Variants in ITGA3 observed in about 807,000 individuals in gnomAD.
The protein encoded by ITGA3 is integrin subunit alpha 3.
Under a neutral mutation model 131.1 loss-of-function variants are expected in ITGA3, and 70 were observed. The observed-to-expected ratio is 0.53, with a 90% CI of 0.44 to 0.65. The LOEUF (loss-of-function observed/expected upper bound fraction) is 0.65. ITGA3 is among the 30% of genes least tolerant of loss of function. ITGA3 has a pLI of 0.00. For missense variants in ITGA3, 1,098 were observed against 1,388.6 expected (o/e 0.79, Z 3.33); for synonymous variants, 537 against 571.6 (o/e 0.94, Z 0.86).
chr17:50,081,877 G>C (rs1273162704), intron 23 of ITGA3, among the ~76,000 whole-genome samples: 2 of 152,206 alleles, frequency 1.3e-5, no homozygotes, highest in African/African-American at 4.8e-5. Context: ...CGGGCAATAT[G>C]TATGTATAGA....
chr17:50,081,718 GC>G (rs1287740354), intron 23 of ITGA3, among the ~76,000 whole-genome samples: 1 of 152,170 alleles, frequency 6.6e-6, no homozygotes, highest in Non-Finnish European at 1.5e-5. Flanking sequence ...GGCTGGGACT[GC>G]CTCTCTATTT....
Position 50,072,115 on chromosome 17 carries a change from C to G in ITGA3, c.1089C>G (p.Gly363=). ...FPAHPSLLLH[G]PSGSAFGLSV... is the part of the protein sequence containing the mutation. ...CTCACCCCTCACTCCTTCTTCATGG[C>G]CCCAGTGGCTCTGCCTTTGGTTTAT... The change falls in exon 7 of 26, where the codon GGC becomes GGG. Residue 363 remains glycine (G), a synonymous_variant. Coordinates refer to ENST00000320031, the MANE Select transcript of ITGA3 (RefSeq NM_002204.4). 6.2e-7 allele frequency: 1 copy of G among 1,614,100 alleles called. No individual in the cohort carries two copies. Among genetic ancestry groups the G allele is most frequent in the Non-Finnish European group, 8.5e-7 (1 of 1,180,016 alleles).
chr17:50,067,892 A>T (rs1247429976), intron 3 of ITGA3, among the ~76,000 whole-genome samples, 164 bp from the exon 4 acceptor site: 1 of 152,248 alleles, frequency 6.6e-6, no homozygotes, highest in African/African-American at 2.4e-5. Flanking sequence ...AGATTTCTGA[A>T]TTCTGGAAAG....
intron 23 of ITGA3, among the ~76,000 whole-genome samples, chr17:50,082,624 A>G (rs111936943): frequency 3.5e-4 from 53 of 152,274 alleles, no homozygotes; most frequent in African/African-American, 1.1e-3. Flanking sequence ...AAAAGTTATT[A>G]GACCCAATAA....
In ITGA3 at chr17:50,075,545, C is replaced by A; in HGVS notation, c.1537+19C>A. 1 of 1,614,192 alleles carries A rather than the reference C, an allele frequency of 6.2e-7. No individual in the cohort carries two copies. Among genetic ancestry groups the A allele is most frequent in the South Asian group, 1.1e-5 (1 of 91,084 alleles). On this transcript the variant is annotated intron_variant, in intron 11 of 25. Transcript: ENST00000320031. ...AACATCAGTGAGTGCTGGGGTGCAG[C>A]GTAAAAGGGGTACGCTCCCCTGTCC...
rs1907849709 is a variant in ITGA3 at position 50,056,807 on chromosome 17, G to A, written c.206+162G>A. On this transcript the variant is annotated intron_variant, in intron 1 of 25. Transcript: ENST00000320031. The surrounding 1 kb of genome is among the most constrained non-coding windows in gnomAD (Gnocchi z 5.6). ...GTTGGCGGGAAGTGGAGGATTGGGT[G>A]TGGGGTCGGGCAGTAATCATTGGCA... Among the ~76,000 whole-genome samples the A allele has an allele frequency of 6.6e-6, 1 of 152,206 alleles. No homozygotes were observed. The highest frequency in any genetic ancestry group is 2.1e-4 in the South Asian group (1 of 4,832).
chr17:50,081,844 A>G (rs764222813), intron 23 of ITGA3, among the ~76,000 whole-genome samples: 2 of 152,142 alleles, frequency 1.3e-5, no homozygotes, highest in Non-Finnish European at 2.9e-5. Flanking sequence ...CACATCCACT[A>G]TGGACCTGTG....
At position 50,089,591 on chromosome 17, in the gene ITGA3, A is replaced by C; in HGVS notation, c.*513A>C. 1 of 281,270 alleles carries C rather than the reference A, an allele frequency of 3.6e-6. No homozygotes were observed. The highest frequency in any genetic ancestry group is 6.8e-6 in the Non-Finnish European group (1 of 146,160). 17.4% of individuals were successfully genotyped at this position (281,270 alleles called of 1,614,324 possible). ...TCTCAGCCTCTGCCAGCGCCAAAAC[A>C]AGCCAAAGAGCCTCCCACCAGAGCC... On this transcript the variant is annotated 3_prime_UTR_variant, in exon 26 of 26. Transcript: ENST00000320031.
chr17:50,079,112 A>AC lies in ITGA3; in HGVS notation c.2440dup (p.Leu814ProfsTer49). ...GGGGGAGGGGCTGGTGGGCCTGGGG[A>AC]CCCTGGTCCTAGGTCTGGAGTGGCC... On this transcript the variant is annotated frameshift_variant, in exon 20 of 26. Coordinates refer to ENST00000320031, the MANE Select transcript of ITGA3 (RefSeq NM_002204.4). LOFTEE classifies it high-confidence loss of function. The AC allele has an allele frequency of 6.2e-7, 1 of 1,613,412 alleles. No homozygotes were observed. The highest frequency in any genetic ancestry group is 8.5e-7 in the Non-Finnish European group (1 of 1,179,868).
chr17:50,068,570 G>A (rs1243440967), intron 4 of ITGA3, among the ~76,000 whole-genome samples: 1 of 151,866 alleles, frequency 6.6e-6, no homozygotes, highest in African/African-American at 2.4e-5. Context: ...GCACATTCAT[G>A]GCTCACTGCA....
At chr17:50,077,940 G>A in intron 16 of ITGA3, 106 bp from the exon 17 acceptor site, 4 of 892,086 alleles carry the variant, frequency 4.5e-6, no homozygotes, top group South Asian at 3.2e-5. Flanking sequence ...AGGAGGAGGA[G>A]AAGGCCAGAA....
At chr17:50,085,157 G>A (rs1167012987) in intron 23 of ITGA3, among the ~76,000 whole-genome samples, 1 of 151,000 alleles carries the variant, frequency 6.6e-6, no homozygotes, top group African/African-American at 2.4e-5. Context: ...AGCCAAGATC[G>A]CACCACTGCA....
intron 23 of ITGA3, chr17:50,087,368 G>A (rs1244043230): frequency 5.5e-6 from 1 of 180,628 alleles, no homozygotes; most frequent in African/African-American, 2.3e-5. Flanking sequence ...TATTCTATGA[G>A]GTAGTCATTA....
In ITGA3 at chr17:50,076,520, G is replaced by A. The variant is rs1426048677; in HGVS notation, c.1824+45G>A. ...GGACTGGAAGACCAGGGGCCAGAAG[G>A]GCGGTGGGGCGAGAGGGCACTGGGG... On this transcript the variant is annotated intron_variant, in intron 13 of 25. Transcript: ENST00000320031. 21 of 1,607,196 alleles carry A rather than the reference G, an allele frequency of 1.3e-5. No individual in the cohort carries two copies. In the Admixed American group the frequency reaches 3.5e-4, roughly 27 times the overall value.
intron 1 of ITGA3, chr17:50,063,736 T>G: frequency 1.0e-5 from 3 of 299,666 alleles, no homozygotes; most frequent in Non-Finnish European, 1.3e-5. Flanking sequence ...GCCCTGCACA[T>G]GTGTGCCTTT....
At chr17:50,087,075 A>G (rs1249830184) in intron 23 of ITGA3, 1 of 152,122 alleles carries the variant, frequency 6.6e-6, no homozygotes, top group African/African-American at 2.4e-5. Context: ...AAAATAAAAT[A>G]AAATAAAAAG....
At chr17:50,085,042 G>A (rs538356599) in intron 23 of ITGA3, among the ~76,000 whole-genome samples, 2 of 149,978 alleles carry the variant, frequency 1.3e-5, no homozygotes, top group Non-Finnish European at 3.0e-5. Flanking sequence ...GTGAAACCCC[G>A]GCTCTACTAA....
At position 50,056,517 on chromosome 17, in the gene ITGA3, C is replaced by T. The variant is rs1907826491; in HGVS notation, c.78C>T (p.Gly26=). 6.4e-7 allele frequency: 1 copy of T among 1,550,980 alleles called. No homozygotes were observed. The highest frequency in any genetic ancestry group is 1.2e-5 in the South Asian group (1 of 84,118). The change falls in exon 1 of 26, where the codon GGC becomes GGT. Residue 26 remains glycine, a synonymous_variant. Transcript: ENST00000320031. This position sits in a 1 kb window ranked among gnomAD's most constrained non-coding sequence, Gnocchi z 5.6. ...CGCTCGCCTTGATGGTGGCGGCCGG[C>T]GGCTGCGTCGTCTCCGCCTTCAACC... ...LCALALMVAA[G]GCVVSAFNLD...
Position 50,074,246 on chromosome 17 carries a change from G to A in ITGA3, c.1348G>A (p.Val450Met). ...TGAGAACTTCTACCCAGACCTTCTA[G>A]TGGGAAGCCTGTCAGACCACATTGT... is the stretch of plus-strand genomic sequence containing the variant. ...VDENFYPDLL[V>M]GSLSDHIVLL... Residue 450 changes from valine (V) to methionine (M), a missense_variant, in exon 9 of 26, where the codon GTG (valine) becomes ATG (methionine). By Grantham distance (21) the Val-to-Met change is conservative. Transcript: ENST00000320031. 6.2e-7 allele frequency: 1 copy of A among 1,614,236 alleles called. No homozygotes were observed. The highest frequency in any genetic ancestry group is 8.5e-7 in the Non-Finnish European group (1 of 1,180,028).
Sources: allele counts gnomAD v4.1 joint callset (sites outside exome capture counted in the v4.1 genomes callset), GRCh38; gene constraint gnomAD v4.1.1; non-coding constraint Gnocchi (gnomAD v3.1); transcripts MANE v1.5; gene names NCBI Gene and HGNC (gene_info 2026-07-23, HGNC 2026-07-21).